The following FHIT variants were observed in gnomAD, a reference collection of about 807,000 sequenced individuals.
FHIT encodes the protein fragile histidine triad diadenosine triphosphatase.
Under a neutral mutation model 17.9 loss-of-function variants are expected in FHIT, and 19 were observed. That is an observed-to-expected ratio of 1.06 (90% confidence interval 0.74 to 1.56). FHIT has a LOEUF of 1.56. Among genes scored for constraint, FHIT ranks in the 40% most tolerant of loss-of-function variants. The pLI, the probability that FHIT is intolerant of heterozygous loss-of-function variation, is 0.00. For synonymous variants in FHIT, 81 were observed against 69.7 expected (o/e 1.16, Z -0.81); for missense variants, 248 against 189.2 (o/e 1.31, Z -1.82).
chr3:60,766,855 G>A (rs1553721565), intron 4 of FHIT, among the ~76,000 whole-genome samples: 1 of 152,112 alleles, frequency 6.6e-6, no homozygotes. Context: ...TATCCCTGAA[G>A]AAGTCACAGT....
At chr3:60,688,333 A>T (rs2040905750) in intron 4 of FHIT, among the ~76,000 whole-genome samples, 1 of 152,194 alleles carries the variant, frequency 6.6e-6, no homozygotes, top group South Asian at 2.1e-4. Context: ...CCAAAGGATG[A>T]TAATACTAAG....
intron 5 of FHIT, among the ~76,000 whole-genome samples, chr3:60,318,638 A>T (rs183117725): frequency 1.3e-5 from 2 of 152,094 alleles, no homozygotes; most frequent in Admixed American, 1.3e-4. Flanking sequence ...AGAGAACTTG[A>T]CTCCGAGTCA....
At chr3:59,828,409 T>G (rs1328897007) in intron 8 of FHIT, among the ~76,000 whole-genome samples, 2 of 152,248 alleles carry the variant, frequency 1.3e-5, no homozygotes, top group Admixed American at 1.3e-4. Context: ...GGTTTTCTGC[T>G]ATAACTCTCA....
intron 5 of FHIT, among the ~76,000 whole-genome samples, chr3:60,180,127 C>T (rs1235537779): frequency 6.6e-6 from 1 of 152,136 alleles, no homozygotes; most frequent in Non-Finnish European, 1.5e-5. Flanking sequence ...ACCAAAACAG[C>T]TTATACAAAG....
chr3:60,536,945 G>C lies in FHIT; in HGVS notation c.18C>G (p.Gly6=), dbSNP rs775013970. Reference sequence around the variant, plus strand: ...CTACAGAGGGCTTGATGAGATGTTGGCCAAATCTGAACGACATGTCCTCAC... The same window carrying C: ...CTACAGAGGGCTTGATGAGATGTTGCCCAAATCTGAACGACATGTCCTCAC... MSFRF[G]QHLIKPSVVF... The change falls in exon 5 of 10, where the codon GGC becomes GGG. Residue 6 remains glycine, a synonymous_variant. Coordinates refer to ENST00000492590, the MANE Select transcript of FHIT (RefSeq NM_002012.4). 3.1e-6 allele frequency: 5 copies of C among 1,611,668 alleles called. No homozygotes were observed. The Admixed American group carries it at 5.0e-5, about 16-fold the overall frequency.
At chr3:61,032,118 T>G (rs768078069) in intron 3 of FHIT, among the ~76,000 whole-genome samples, 20 of 152,226 alleles carry the variant, frequency 1.3e-4, no homozygotes, top group Non-Finnish European at 2.9e-4. Flanking sequence ...GCTTTGATAG[T>G]TCATTCGTGT....
In FHIT at chr3:59,941,489, T is replaced by G. The variant is rs933236335; in HGVS notation, c.280-19075A>C. Among the ~76,000 whole-genome samples the G allele has an allele frequency of 2.0e-5, 3 of 152,334 alleles. No homozygotes were observed. The East Asian group carries it at 5.8e-4, about 29-fold the overall frequency. ...TCTGTCCATGCAAAGGGCCTCCTTG[T>G]GATATCCCACATTCTCTTTTATCCT... On this transcript the variant is annotated intron_variant, in intron 7 of 9. Coordinates refer to ENST00000492590, the MANE Select transcript of FHIT (RefSeq NM_002012.4).
intron 4 of FHIT, among the ~76,000 whole-genome samples, chr3:60,656,149 C>A (rs1247348281): frequency 6.6e-6 from 1 of 152,130 alleles, no homozygotes; most frequent in East Asian, 1.9e-4. Flanking sequence ...GGTTTTATCT[C>A]ATCTGAAACT....
At chr3:60,506,564 T>C (rs2034739737) in intron 5 of FHIT, among the ~76,000 whole-genome samples, 1 of 152,194 alleles carries the variant, frequency 6.6e-6, no homozygotes, top group African/African-American at 2.4e-5. Flanking sequence ...TATACTACTT[T>C]GCTTTACTGA....
chr3:60,973,813 A>G (rs1489327347), intron 3 of FHIT, among the ~76,000 whole-genome samples: 1 of 152,114 alleles, frequency 6.6e-6, no homozygotes, highest in Admixed American at 6.6e-5. Flanking sequence ...AAGAGTGGAG[A>G]AGGGAGATGT....
At chr3:59,994,998 G>A (rs931578730) in intron 7 of FHIT, among the ~76,000 whole-genome samples, 8 of 152,014 alleles carry the variant, frequency 5.3e-5, no homozygotes, top group Admixed American at 1.3e-4. Flanking sequence ...TTGTGGGTAC[G>A]AAAGGAGAGA....
At chr3:61,020,767 G>A (rs1281687464) in intron 3 of FHIT, among the ~76,000 whole-genome samples, 1 of 152,044 alleles carries the variant, frequency 6.6e-6, no homozygotes, top group African/African-American at 2.4e-5. Context: ...TGCTGTATCG[G>A]TGCGCTATAT....
At chr3:59,761,416 C>A (rs1701506291) in intron 8 of FHIT, among the ~76,000 whole-genome samples, 1 of 152,124 alleles carries the variant, frequency 6.6e-6, no homozygotes, top group African/African-American at 2.4e-5. Flanking sequence ...AGGGATAGTA[C>A]TGAACCCTAT....
chr3:60,172,731 T>C (rs1701476029), intron 5 of FHIT, among the ~76,000 whole-genome samples: 1 of 152,138 alleles, frequency 6.6e-6, no homozygotes. Context: ...GGCTGGATAC[T>C]GAGACAAGGT....
chr3:60,679,833 T>C (rs2040705190), intron 4 of FHIT, among the ~76,000 whole-genome samples: 1 of 152,156 alleles, frequency 6.6e-6, no homozygotes, highest in South Asian at 2.1e-4. Flanking sequence ...TTTGCATGTT[T>C]TAAATTGTTA....
intron 5 of FHIT, among the ~76,000 whole-genome samples, chr3:60,216,484 T>C (rs922507682): frequency 2.6e-5 from 4 of 152,196 alleles, no homozygotes; most frequent in African/African-American, 9.6e-5. Flanking sequence ...ATTTCTTCAC[T>C]GGGGTAAGAG....
intron 5 of FHIT, among the ~76,000 whole-genome samples, chr3:60,118,407 CCT>C (rs1559648274): frequency 6.6e-6 from 1 of 151,868 alleles, no homozygotes; most frequent in East Asian, 1.9e-4. Flanking sequence ...TGCACCCGGC[CCT>C]GTTTTAATTT....
intron 4 of FHIT, among the ~76,000 whole-genome samples, chr3:60,647,147 T>C (rs782416768): frequency 1.8e-4 from 27 of 151,570 alleles, no homozygotes; most frequent in Non-Finnish European, 2.6e-4. Flanking sequence ...GGAAAACATA[T>C]CGTTGTGGAA....
At chr3:59,808,023 A>G (rs1222179209) in intron 8 of FHIT, among the ~76,000 whole-genome samples, 1 of 152,170 alleles carries the variant, frequency 6.6e-6, no homozygotes, top group Non-Finnish European at 1.5e-5. Context: ...ACCGCTACCT[A>G]GTTTCAGAAC....
Sources: gnomAD v4.1 joint callset for allele counts (sites outside exome capture counted in the v4.1 genomes callset) on GRCh38, gnomAD v4.1.1 for gene constraint, MANE v1.5 for transcripts, NCBI Gene and HGNC (gene_info 2026-07-23, HGNC 2026-07-21) for gene names.